Variants in U2SURP observed in about 807,000 individuals in gnomAD.
U2SURP encodes U2 snRNP-associated SURP motif-containing protein.
A neutral mutation model predicts 144.9 loss-of-function variants in U2SURP; 9 were observed. The observed-to-expected ratio is 0.06, with a 90% CI of 0.04 to 0.11. The LOEUF (loss-of-function observed/expected upper bound fraction) is 0.11. U2SURP is among the 10% of genes least tolerant of loss of function. U2SURP has a pLI of 1.00. For missense variants in U2SURP, 724 were observed against 1,226.7 expected (o/e 0.59, Z 6.12); for synonymous variants, 408 against 396.8 (o/e 1.03, Z -0.33).
intron 21 of U2SURP, 36 bp from the exon 22 acceptor site, chr3:143,038,072 A>G (rs1472202951): frequency 6.7e-7 from 1 of 1,490,384 alleles, no homozygotes; most frequent in Non-Finnish European, 9.1e-7. Flanking sequence ...GTCATCCACT[A>G]GTAGTCAGGG....
chr3:143,004,286 A>C (rs1394838510), intron 1 of U2SURP, among the ~76,000 whole-genome samples: 3 of 151,846 alleles, frequency 2.0e-5, no homozygotes. Flanking sequence ...ATATGGCAAA[A>C]TTATTAACAT....
rs576050433 is a variant in U2SURP at position 143,056,624 on chromosome 3, T to C, written c.*174T>C. The C allele has an allele frequency of 2.1e-5, 14 of 665,090 alleles. No homozygotes were observed. The African/African-American group carries it at 2.4e-4, about 11-fold the overall frequency. The allele number at this position is 665,090 out of a possible 1,614,324, so 41.2% of individuals were successfully genotyped here. Reference sequence around the variant, plus strand: ...ACTGCATCTGTAGATCTGTCATTGTTTTATATTGTGTAAATTACTTTCATT... The same window carrying C: ...ACTGCATCTGTAGATCTGTCATTGTCTTATATTGTGTAAATTACTTTCATT... On this transcript the variant is annotated 3_prime_UTR_variant, in exon 28 of 28. Transcript: ENST00000473835.
chr3:143,039,208 A>G (rs1446108102), intron 23 of U2SURP, among the ~76,000 whole-genome samples: 1 of 151,852 alleles, frequency 6.6e-6, no homozygotes, highest in Non-Finnish European at 1.5e-5. Context: ...TGTAGTTACT[A>G]ATTGGTCAAC....
In U2SURP at chr3:143,027,145, G is replaced by C; in HGVS notation, c.1275-4G>C. 6.2e-7 allele frequency: 1 copy of C among 1,610,006 alleles called. No individual in the cohort carries two copies. Among genetic ancestry groups the C allele is most frequent in the African/African-American group, 1.3e-5 (1 of 74,892 alleles). ...CATTTTCTTTAACTGTGTTGTTGTT[G>C]TAGGAATTTGCTCGCCCTGATACAT... On this transcript the variant is annotated splice_region_variant and splice_polypyrimidine_tract_variant and intron_variant, in intron 13 of 27. Transcript: ENST00000473835.
At chr3:143,022,455 TC>T (rs757367780) in intron 10 of U2SURP, 41 bp from the exon 11 acceptor site, 3 of 1,434,376 alleles carry the variant, frequency 2.1e-6, no homozygotes, top group Admixed American at 2.4e-5. Flanking sequence ...TTTTTTCTTT[TC>T]CCTTTTTTGC....
At chr3:143,042,305 A>G (rs1010562674) in intron 23 of U2SURP, among the ~76,000 whole-genome samples, 1 of 152,132 alleles carries the variant, frequency 6.6e-6, no homozygotes, top group Admixed American at 6.5e-5. Context: ...TATTAAGGTT[A>G]TGTGCTAATC....
intron 1 of U2SURP, among the ~76,000 whole-genome samples, chr3:143,001,972 G>T (rs1935555206): frequency 6.6e-6 from 1 of 152,244 alleles, no homozygotes. Context: ...CAGTGAAAAC[G>T]CTCTCCTGTA....
At position 143,043,288 on chromosome 3, in the gene U2SURP, A is replaced by T. The variant is rs750056357; in HGVS notation, c.2544+12A>T. Reference sequence around the variant, plus strand: ...TTCGTGAAATTGAGGTTGGTGTTGCAGTGAAACTTAAATTACACTTTATTG... The same window carrying T: ...TTCGTGAAATTGAGGTTGGTGTTGCTGTGAAACTTAAATTACACTTTATTG... On this transcript the variant is annotated intron_variant, in intron 24 of 27. Coordinates refer to ENST00000473835, the MANE Select transcript of U2SURP (RefSeq NM_001080415.2). The T allele has an allele frequency of 6.3e-7, 1 of 1,583,692 alleles. No homozygotes were observed. Among genetic ancestry groups the T allele is most frequent in the South Asian group, 1.2e-5 (1 of 86,572 alleles).
intron 1 of U2SURP, among the ~76,000 whole-genome samples, chr3:143,007,261 C>T (rs375291248): frequency 3.3e-5 from 5 of 151,610 alleles, no homozygotes; most frequent in South Asian, 2.1e-4. Context: ...CTTTTCACTT[C>T]TTCCTTTTGT....
rs769014819 is a variant in U2SURP at position 143,016,245 on chromosome 3, A to T, written c.322-12A>T. 1 of 1,607,854 alleles carries T rather than the reference A, an allele frequency of 6.2e-7. No individual in the cohort carries two copies. Among genetic ancestry groups the T allele is most frequent in the Non-Finnish European group, 8.5e-7 (1 of 1,175,244 alleles). The stretch of plus-strand genomic sequence containing the variant: ...TGTATTGTGTAATATTAATATTTTC[A>T]TGTGTATTTAGGAGGATGAAAAGGC... On this transcript the variant is annotated splice_polypyrimidine_tract_variant and intron_variant, in intron 4 of 27. Coordinates refer to ENST00000473835, the MANE Select transcript of U2SURP (RefSeq NM_001080415.2).
chr3:143,003,028 C>A (rs1408910138), intron 1 of U2SURP, among the ~76,000 whole-genome samples: 3 of 152,162 alleles, frequency 2.0e-5, no homozygotes, highest in African/African-American at 7.2e-5. Context: ...CATAACAAGT[C>A]GTGCATAAGC....
chr3:143,022,492 A>G lies in U2SURP; in HGVS notation c.853-5A>G. ...ATAATAAAAATCTTTTACCCTTTTT[A>G]ATAGATGAATGAAGAAATGCTGTGC... is the stretch of plus-strand genomic sequence containing the variant. On this transcript the variant is annotated splice_region_variant and splice_polypyrimidine_tract_variant and intron_variant, in intron 10 of 27. Transcript: ENST00000473835. 6.5e-7 allele frequency: 1 copy of G among 1,532,292 alleles called. No homozygotes were observed. Among genetic ancestry groups the G allele is most frequent in the Non-Finnish European group, 8.8e-7 (1 of 1,139,730 alleles). The allele number at this position is 1,532,292 out of a possible 1,614,324, so 94.9% of individuals were successfully genotyped here.
In U2SURP at chr3:143,005,166, C is replaced by T. The variant is rs540735485; in HGVS notation, c.45+3493C>T. Among the ~76,000 whole-genome samples, 318 of 136,230 alleles carry T rather than the reference C, an allele frequency of 2.3e-3. 3 individuals are homozygous for T. The highest frequency in any genetic ancestry group is 8.6e-3 in the African/African-American group (301 of 34,870). The allele number at this position is 136,230 out of a possible 152,430, so 89.4% of individuals were successfully genotyped here. ...CTTTTTTTTTTTTTTTCTTTTTTGC[C>T]GTATCGCCAAAAATTGAGTTAGGTG... On this transcript the variant is annotated intron_variant, in intron 1 of 27. Coordinates refer to ENST00000473835, the MANE Select transcript of U2SURP (RefSeq NM_001080415.2).
rs1212262295 is a variant in U2SURP, at chr3:143,057,275, A to G, written c.*825A>G. On this transcript the variant is annotated 3_prime_UTR_variant, in exon 28 of 28. Coordinates refer to ENST00000473835, the MANE Select transcript of U2SURP (RefSeq NM_001080415.2). ...AGTTTATTTGTAAAACAAATTTTCT[A>G]ACAAGGTTTGGCCATAGAATTCTCT... 2 of 152,382 alleles carry G rather than the reference A, an allele frequency of 1.3e-5. No individual in the cohort carries two copies. The highest frequency in any genetic ancestry group is 2.9e-5 in the Non-Finnish European group (2 of 67,858). The allele number at this position is 152,382 out of a possible 1,614,324, so 9.4% of individuals were successfully genotyped here.
chr3:143,014,948 CTTTGGGATATATTCTTATAGGTGAGA>C (rs1316101622), intron 4 of U2SURP, among the ~76,000 whole-genome samples: 1 of 151,830 alleles, frequency 6.6e-6, no homozygotes, highest in Non-Finnish European at 1.5e-5. Flanking sequence ...CTAGTGTTAT[CTTTGGGATATATTCTTATAGGTGAGA>C]TTTGGGATAT....
chr3:143,005,422 G>A (rs1393493917), intron 1 of U2SURP, among the ~76,000 whole-genome samples: 1 of 152,122 alleles, frequency 6.6e-6, no homozygotes, highest in Admixed American at 6.5e-5. Flanking sequence ...TACAAACCTT[G>A]AAAATCAGGC....
chr3:143,041,833 G>T (rs969140433), intron 23 of U2SURP, among the ~76,000 whole-genome samples: 2 of 151,930 alleles, frequency 1.3e-5, no homozygotes, highest in African/African-American at 4.8e-5. Flanking sequence ...GCAAAACAGC[G>T]TTTGTTCTGG....
At position 143,055,066 on chromosome 3, in the gene U2SURP, G is replaced by T. The variant is rs765178563; in HGVS notation, c.2898G>T (p.Arg966=). Residue 966 remains arginine, a synonymous_variant, in exon 27 of 28, where the codon CGG becomes CGT. Coordinates refer to ENST00000473835, the MANE Select transcript of U2SURP (RefSeq NM_001080415.2). ...AAAGATCTCATAAAGAGAGCTCACG[G>T]TCCAGGTCATCTCACAAAGATTCTC... ...RSERSHKESS[R]SRSSHKDSPR... 1.2e-5 allele frequency: 19 copies of T among 1,607,110 alleles called. No individual in the cohort carries two copies. Among genetic ancestry groups the T allele is most frequent in the Admixed American group, 1.7e-5 (1 of 58,840 alleles).
In U2SURP at chr3:143,034,934, T is replaced by C. The variant is rs572941957; in HGVS notation, c.1900T>C (p.Tyr634His). Reference protein sequence around the residue: ...CQIFSDLNATYRTIQGHLQSE... With the variant: ...CQIFSDLNATHRTIQGHLQSE... The stretch of plus-strand genomic sequence containing the variant: ...GATATTTTCAGACCTCAATGCCACC[T>C]ATCGTACAATTCAAGGCCATTTACA... The change falls in exon 19 of 28, where the codon TAT becomes CAT. Residue 634 changes from tyrosine (Y) to histidine (H), a missense_variant. Physicochemically the swap from Tyr to His is moderately conservative, Grantham distance 83. Coordinates refer to ENST00000473835, the MANE Select transcript of U2SURP (RefSeq NM_001080415.2). 2.5e-6 allele frequency: 4 copies of C among 1,605,550 alleles called. No homozygotes were observed. In the South Asian group the frequency reaches 4.5e-5, roughly 18 times the overall value.
Sources: gnomAD v4.1 joint callset for allele counts (sites outside exome capture counted in the v4.1 genomes callset) on GRCh38, gnomAD v4.1.1 for gene constraint, MANE v1.5 for transcripts, NCBI Gene and HGNC (gene_info 2026-07-23, HGNC 2026-07-21) for gene names.